TENM2: variants seen among roughly 807,000 people sequenced by gnomAD.
TENM2 encodes the protein teneurin-2.
Under a neutral mutation model 245.2 loss-of-function variants are expected in TENM2, and 52 were observed. The ratio of observed to expected loss-of-function variants is 0.21; its 90% confidence interval spans 0.17 to 0.27. The LOEUF is 0.27. Among genes scored for constraint, TENM2 ranks in the 10% least tolerant of loss-of-function variants. The pLI, the probability that TENM2 is intolerant of heterozygous loss-of-function variation, is 1.00. For synonymous variants in TENM2, 1,363 were observed against 1,438.9 expected (o/e 0.95, Z 1.19); for missense variants, 3,046 against 3,666.8 (o/e 0.83, Z 4.37).
At chr5:168,169,510 C>A (rs895316941) in intron 13 of TENM2, among the ~76,000 whole-genome samples, 3 of 152,204 alleles carry the variant, frequency 2.0e-5, no homozygotes, top group African/African-American at 7.2e-5. Context: ...TTGGAACAGA[C>A]AAAACTCACC....
At chr5:167,699,130 A>T (rs1757981028) in intron 2 of TENM2, among the ~76,000 whole-genome samples, 1 of 152,184 alleles carries the variant, frequency 6.6e-6, no homozygotes, top group Non-Finnish European at 1.5e-5. Context: ...ATTAGTAAAA[A>T]GAAATATATA....
At chr5:167,925,960 T>C (rs1561941547) in intron 3 of TENM2, among the ~76,000 whole-genome samples, 1 of 151,988 alleles carries the variant, frequency 6.6e-6, no homozygotes, top group African/African-American at 2.4e-5. Context: ...CTTGAGGGAA[T>C]AGGGTGGGAG....
intron 2 of TENM2, among the ~76,000 whole-genome samples, chr5:167,859,546 G>C (rs1424471629): frequency 4.6e-4 from 49 of 106,020 alleles, no homozygotes; most frequent in African/African-American, 1.7e-3. Flanking sequence ...CGCCCCGTCC[G>C]GGAGGGAGGT....
chr5:167,118,982 A>G, the TENM2 span, among the ~76,000 whole-genome samples: 1 of 152,192 alleles, frequency 6.6e-6, no homozygotes, highest in Non-Finnish European at 1.5e-5. Flanking sequence ...CAATCAGAGG[A>G]TTCAACCAGG....
At chr5:167,697,538 A>ATT (rs56978585) in intron 2 of TENM2, among the ~76,000 whole-genome samples, 3 of 151,512 alleles carry the variant, frequency 2.0e-5, no homozygotes, top group Middle Eastern at 3.4e-3. Flanking sequence ...AGAGTTATCA[A>ATT]TTTTTTTTTG....
intron 3 of TENM2, among the ~76,000 whole-genome samples, chr5:167,907,305 T>C (rs1776167997): frequency 6.6e-6 from 1 of 151,330 alleles, no homozygotes; most frequent in South Asian, 2.1e-4. Context: ...GAGTACAAGT[T>C]TGAAATACTA....
intron 7 of TENM2, among the ~76,000 whole-genome samples, chr5:168,065,505 AC>A (rs2152109170): frequency 6.6e-6 from 1 of 152,312 alleles, no homozygotes; most frequent in South Asian, 2.1e-4. Context: ...AGATGGGAAA[AC>A]CCTTTGTAAA....
the TENM2 span, among the ~76,000 whole-genome samples, chr5:167,028,358 T>C: frequency 1.3e-5 from 2 of 152,096 alleles, no homozygotes; most frequent in African/African-American, 2.4e-5. Context: ...TCCCTAGTAT[T>C]GGAATTAATG....
At chr5:167,603,011 G>T (rs1335476188) in intron 2 of TENM2, among the ~76,000 whole-genome samples, 2 of 152,260 alleles carry the variant, frequency 1.3e-5, no homozygotes, top group African/African-American at 2.4e-5. Context: ...TCAAGAATAA[G>T]AATTGTAAGA....
chr5:168,090,929 C>T (rs1176450743), intron 8 of TENM2, among the ~76,000 whole-genome samples, 160 bp downstream of exon 10: 2 of 152,098 alleles, frequency 1.3e-5, no homozygotes, highest in African/African-American at 4.8e-5. Context: ...CTGAAACTAG[C>T]TCTGATTAAA....
chr5:168,193,624 G>A (rs1761139372), intron 14 of TENM2, among the ~76,000 whole-genome samples: 1 of 152,168 alleles, frequency 6.6e-6, no homozygotes, highest in Non-Finnish European at 1.5e-5. Flanking sequence ...TCTGCTACAG[G>A]AATGATTTAA....
In TENM2 at chr5:167,404,452, A is replaced by G. The variant is rs369075797; in HGVS notation, c.502+28979A>G. On this transcript the variant is annotated intron_variant, in intron 2 of 28. Transcript: ENST00000518659. ...ACTATCACATGGGTCTCATGCAAGG[A>G]GAGTTCATACGAGTTAAAAGGATAA... is the stretch of plus-strand genomic sequence containing the variant. Among the ~76,000 whole-genome samples the G allele has an allele frequency of 3.9e-5, 6 of 152,268 alleles. No homozygotes were observed. The East Asian group carries it at 1.2e-3, about 29-fold the overall frequency.
At chr5:167,007,039 T>A in the TENM2 span, among the ~76,000 whole-genome samples, 1 of 152,210 alleles carries the variant, frequency 6.6e-6, no homozygotes. This position sits in a 1 kb window ranked among gnomAD's most constrained non-coding sequence, Gnocchi z 4.2. Flanking sequence ...AAAAATGTAA[T>A]TTAATGCCTC....
rs559876903 is a variant in TENM2 at position 168,081,464 on chromosome 5, C to A, written c.1516-9110C>A. 3.9e-5 allele frequency among the ~76,000 whole-genome samples: 6 copies of A among 152,198 alleles called. No individual in the cohort carries two copies. The South Asian group carries it at 1.2e-3, about 32-fold the overall frequency. On this transcript the variant is annotated intron_variant, in intron 7 of 28. Transcript: ENST00000518659. ...TAATATTGTTATGTGTGAATTTGAT[C>A]CTGTCATTATGATGTTAGGTGGTTA... is the stretch of plus-strand genomic sequence containing the variant.
chr5:167,115,125 G>C, the TENM2 span, among the ~76,000 whole-genome samples: 5 of 152,208 alleles, frequency 3.3e-5, no homozygotes, highest in Non-Finnish European at 7.3e-5. Context: ...TTTTGTTACA[G>C]AAGAGTGTGT....
intron 2 of TENM2, among the ~76,000 whole-genome samples, chr5:167,716,236 G>C (rs115368264): frequency 2.2e-3 from 340 of 152,300 alleles, no homozygotes; most frequent in African/African-American, 7.8e-3. Flanking sequence ...ATGATGACTG[G>C]AAAACTGTAT....
the TENM2 span, among the ~76,000 whole-genome samples, chr5:167,203,035 A>G: frequency 6.6e-6 from 1 of 152,204 alleles, no homozygotes; most frequent in African/African-American, 2.4e-5. Context: ...CATCTTACCT[A>G]TAAAGGGAGA....
At chr5:167,475,055 T>C (rs1767281611) in intron 2 of TENM2, among the ~76,000 whole-genome samples, 1 of 152,196 alleles carries the variant, frequency 6.6e-6, no homozygotes, top group Non-Finnish European at 1.5e-5. Context: ...TTGTCGGAGC[T>C]AACCATAAAA....
chr5:168,066,258 G>T (rs562323803), intron 7 of TENM2, among the ~76,000 whole-genome samples: 29 of 152,254 alleles, frequency 1.9e-4, no homozygotes, highest in South Asian at 1.5e-3. Flanking sequence ...AACTCTGCTT[G>T]GAAGTCACAC....
Sources: gnomAD v4.1 joint callset for allele counts (sites outside exome capture counted in the v4.1 genomes callset) on GRCh38, gnomAD v4.1.1 for gene constraint, Gnocchi (gnomAD v3.1) non-coding constraint, MANE v1.5 for transcripts, NCBI Gene and HGNC (gene_info 2026-07-23, HGNC 2026-07-21) for gene names.